The following ADGRV1 variants were observed in gnomAD, a reference collection of about 807,000 sequenced individuals.
ADGRV1 encodes the protein G-protein coupled receptor 98.
A neutral mutation model predicts 596.2 loss-of-function variants in ADGRV1; 359 were observed. The observed-to-expected ratio is 0.60, with a 90% CI of 0.55 to 0.66. The LOEUF (loss-of-function observed/expected upper bound fraction) is 0.66. Ranked by LOEUF, ADGRV1 falls within the 30% of genes least tolerant of loss-of-function variation. The probability of loss-of-function intolerance (pLI) is 0.00; values close to 1 mark genes in which losing one functional copy is unlikely to be tolerated. For missense variants in ADGRV1, 7,274 were observed against 7,575.6 expected (o/e 0.96, Z 1.48); for synonymous variants, 2,681 against 2,679.2 (o/e 1.00, Z -0.02).
rs774956228 is a variant in ADGRV1, at chr5:90,629,804, A to G, written c.1839+265A>G. ...CCAGACGTGAAATGCCAGTCATGCA[A>G]GTCAGACTGTCATGGATGACATAGT... On this transcript the variant is annotated intron_variant, in intron 9 of 89. Coordinates refer to ENST00000405460, the MANE Select transcript of ADGRV1 (RefSeq NM_032119.4). 21 of 303,072 alleles carry G rather than the reference A, an allele frequency of 6.9e-5. 1 individual carries two copies. The South Asian group carries it at 1.0e-3, about 15-fold the overall frequency. 18.8% of individuals were successfully genotyped at this position (303,072 alleles called of 1,614,324 possible).
chr5:90,924,499 T>G (rs1366843858), intron 83 of ADGRV1, among the ~76,000 whole-genome samples: 1 of 151,812 alleles, frequency 6.6e-6, no homozygotes, highest in Non-Finnish European at 1.5e-5. Flanking sequence ...TCTTGTAAAT[T>G]TGTTTTGAGT....
chr5:90,776,490 A>G lies in ADGRV1; in HGVS notation c.12441A>G (p.Ala4147=), dbSNP rs1294369589. 1 of 1,613,360 alleles carries G rather than the reference A, an allele frequency of 6.2e-7. No individual in the cohort carries two copies. The highest frequency in any genetic ancestry group is 1.7e-5 in the Admixed American group (1 of 59,928). Residue 4147 remains alanine (A), a synonymous_variant, in exon 61 of 90, where the codon GCA becomes GCG. Transcript: ENST00000405460. ...TAATTATTCGGGGTGATAAGCGAGC[A>G]TCAGGAGAAGTTGGGATAGCTCCGT... ...ASIIIRGDKR[A]SGEVGIAPSS... is the part of the protein sequence containing the mutation.
intron 86 of ADGRV1, among the ~76,000 whole-genome samples, chr5:91,079,322 A>G (rs917002168): frequency 3.3e-5 from 5 of 152,210 alleles, no homozygotes; most frequent in African/African-American, 1.2e-4. Context: ...CTCTTCCCAC[A>G]TTTTGCCAAT....
chr5:90,985,239 A>G (rs1780390528), intron 84 of ADGRV1, 105 bp from the exon 85 acceptor site: 1 of 604,528 alleles, frequency 1.7e-6, no homozygotes, highest in Non-Finnish European at 2.6e-6. Context: ...ATTATTAAGT[A>G]GATCCTGGCC....
intron 72 of ADGRV1, among the ~76,000 whole-genome samples, chr5:90,806,224 G>T (rs1323416105): frequency 6.6e-6 from 1 of 152,172 alleles, no homozygotes; most frequent in Non-Finnish European, 1.5e-5. Context: ...CAGTGAAAAT[G>T]ACAACATTTT....
intron 55 of ADGRV1, 106 bp from the exon 56 acceptor site, chr5:90,756,348 C>A: frequency 2.7e-6 from 2 of 736,298 alleles, no homozygotes; most frequent in Non-Finnish European, 2.2e-6. Context: ...CTGCCCATTC[C>A]TGTGAACAAA....
At chr5:90,839,227 T>C (rs961497908) in intron 77 of ADGRV1, among the ~76,000 whole-genome samples, 5 of 152,196 alleles carry the variant, frequency 3.3e-5, no homozygotes, top group African/African-American at 4.8e-5. Flanking sequence ...TTTTGTTTTT[T>C]GTTTTGAGAT....
At chr5:90,832,917 G>A (rs895373222) in intron 77 of ADGRV1, among the ~76,000 whole-genome samples, 6 of 152,054 alleles carry the variant, frequency 3.9e-5, no homozygotes, top group African/African-American at 4.8e-5. Flanking sequence ...GTAGAAGTAC[G>A]GATTTGTTTC....
At chr5:90,878,554 C>G (rs1038695892) in intron 83 of ADGRV1, among the ~76,000 whole-genome samples, 67 of 152,298 alleles carry the variant, frequency 4.4e-4, no homozygotes, top group Non-Finnish European at 1.5e-4. Context: ...GAATTAAGAT[C>G]TCATTCCGAA....
Position 90,716,561 on chromosome 5 carries a change from C to A in ADGRV1, c.9279C>A (p.Tyr3093Ter). The change falls in exon 43 of 90, where the codon TAC becomes TAA. Residue 3093 changes from tyrosine (Y) to a stop codon, truncating the protein, a stop_gained. Coordinates refer to ENST00000405460, the MANE Select transcript of ADGRV1 (RefSeq NM_032119.4). LOFTEE classifies it high-confidence loss of function. ...HFFLREPTALYVQESVAVLYI... is the reference protein window; with the variant it reads ...HFFLREPTAL ...TCCTAAGAGAGCCAACAGCTCTCTA[C>A]GTCCAGGAGAGTGTTGCAGTATTGT... 1 of 1,613,184 alleles carries A rather than the reference C, an allele frequency of 6.2e-7. No individual in the cohort carries two copies. The highest frequency in any genetic ancestry group is 1.1e-5 in the South Asian group (1 of 90,942).
chr5:91,158,310 CT>C (rs1796638990), intron 89 of ADGRV1, among the ~76,000 whole-genome samples: 1 of 152,190 alleles, frequency 6.6e-6, no homozygotes, highest in South Asian at 2.1e-4. Context: ...TAACCTCCTC[CT>C]TTCTTAGCTA....
intron 1 of ADGRV1, among the ~76,000 whole-genome samples, chr5:90,568,848 T>C (rs766377236): frequency 1.4e-4 from 21 of 152,222 alleles, no homozygotes; most frequent in Non-Finnish European, 1.2e-4. Context: ...AATTGAGCCC[T>C]TTATCTTTAT....
In ADGRV1 at chr5:90,697,034, A is replaced by C. The variant is rs1747276996; in HGVS notation, c.8043A>C (p.Gly2681=). Residue 2681 remains glycine (G), a synonymous_variant, in exon 34 of 90, where the codon GGA becomes GGC. Coordinates refer to ENST00000405460, the MANE Select transcript of ADGRV1 (RefSeq NM_032119.4). ...IIVSLVYTEG[G]SRILPSSDTV... Reference sequence around the variant, plus strand: ...TTAGTTTGGTGTACACTGAAGGTGGAAGTAGAATTTTGCCAAGCTCCGACA... The same window carrying C: ...TTAGTTTGGTGTACACTGAAGGTGGCAGTAGAATTTTGCCAAGCTCCGACA... The C allele has an allele frequency of 6.2e-7, 1 of 1,613,282 alleles. No individual in the cohort carries two copies. Among genetic ancestry groups the C allele is most frequent in the Non-Finnish European group, 8.5e-7 (1 of 1,179,476 alleles).
At chr5:90,668,366 C>T (rs1207799363) in intron 21 of ADGRV1, among the ~76,000 whole-genome samples, 1 of 151,252 alleles carries the variant, frequency 6.6e-6, no homozygotes, top group African/African-American at 2.4e-5. Flanking sequence ...GGGAGTGACC[C>T]GATTTTCCAG....
chr5:90,825,655 T>A lies in ADGRV1; in HGVS notation c.16368+2059T>A, dbSNP rs1764010878. Reference sequence around the variant, plus strand: ...CCATTAGGAGTGGGCTTGGGCAAGCTGAATAAAGAGAAATAGGAAAGTTAA... The same window carrying A: ...CCATTAGGAGTGGGCTTGGGCAAGCAGAATAAAGAGAAATAGGAAAGTTAA... On this transcript the variant is annotated intron_variant, in intron 76 of 89. Coordinates refer to ENST00000405460, the MANE Select transcript of ADGRV1 (RefSeq NM_032119.4). Among the ~76,000 whole-genome samples the A allele has an allele frequency of 4.6e-5, 7 of 152,274 alleles. No homozygotes were observed. The South Asian group carries it at 1.4e-3, about 32-fold the overall frequency.
At chr5:91,100,511 TGGAA>T (rs984546208) in intron 86 of ADGRV1, among the ~76,000 whole-genome samples, 10 of 147,474 alleles carry the variant, frequency 6.8e-5, no homozygotes, top group South Asian at 2.2e-4. Context: ...GAAGGAAGGA[TGGAA>T]GGAAGGAAGG....
At chr5:91,035,861 T>TATAAAATATATATATATATATATATA in intron 85 of ADGRV1, among the ~76,000 whole-genome samples, 1 of 96,402 alleles carries the variant, frequency 1.0e-5, no homozygotes. Flanking sequence ...TATATATATA[T>TATAAAATATATATATATATATATATA]TATATATATA....
chr5:90,606,530 A>G (rs1290079872), intron 1 of ADGRV1, among the ~76,000 whole-genome samples: 3 of 152,226 alleles, frequency 2.0e-5, no homozygotes, highest in Non-Finnish European at 2.9e-5. Flanking sequence ...GCATTGTTTA[A>G]AAGAGGAATA....
At chr5:90,713,823 G>A (rs1015406538) in intron 42 of ADGRV1, among the ~76,000 whole-genome samples, 23 of 152,086 alleles carry the variant, frequency 1.5e-4, no homozygotes, top group African/African-American at 4.8e-5. Context: ...CCATGAGTAG[G>A]AGAAAGGAAT....
Sources: allele counts gnomAD v4.1 joint callset (sites outside exome capture counted in the v4.1 genomes callset), GRCh38; gene constraint gnomAD v4.1.1; transcripts MANE v1.5; gene names NCBI Gene and HGNC (gene_info 2026-07-23, HGNC 2026-07-21).